Variants in SMYD3 observed in about 807,000 individuals in gnomAD.
The protein encoded by SMYD3 is histone-lysine N-methyltransferase SMYD3.
Under a neutral mutation model 57.7 loss-of-function variants are expected in SMYD3, and 36 were observed. The ratio of observed to expected loss-of-function variants is 0.62; its 90% confidence interval spans 0.48 to 0.82. The LOEUF (loss-of-function observed/expected upper bound fraction) is 0.82. Among genes scored for constraint, SMYD3 ranks in the 40% least tolerant of loss-of-function variants. SMYD3 has a pLI of 0.00. For missense variants in SMYD3, 515 were observed against 538.8 expected (o/e 0.96, Z 0.44); for synonymous variants, 211 against 195.0 (o/e 1.08, Z -0.68).
chr1:246,342,994 C>T (rs543644957), intron 2 of SMYD3, among the ~76,000 whole-genome samples: 1 of 152,194 alleles, frequency 6.6e-6, no homozygotes, highest in Non-Finnish European at 1.5e-5. Context: ...ATTCGTGCTA[C>T]ATTTTTAGTA....
intron 5 of SMYD3, among the ~76,000 whole-genome samples, chr1:246,100,137 G>C (rs1301767483): frequency 6.6e-6 from 1 of 152,182 alleles, no homozygotes; most frequent in African/African-American, 2.4e-5. Context: ...CTTGAGCCCA[G>C]GAGTTCAAGG....
intron 5 of SMYD3, among the ~76,000 whole-genome samples, chr1:246,100,206 AC>A (rs2060984609): frequency 6.6e-6 from 1 of 152,148 alleles, no homozygotes; most frequent in Non-Finnish European, 1.5e-5. Flanking sequence ...CAAGACTTCA[AC>A]GCATTAAAAC....
intron 10 of SMYD3, among the ~76,000 whole-genome samples, chr1:245,816,691 G>A (rs1013974321): frequency 2.6e-5 from 4 of 151,980 alleles, no homozygotes; most frequent in South Asian, 2.1e-4. Context: ...GTGGGTGCGC[G>A]CACCGTGCGC....
intron 8 of SMYD3, among the ~76,000 whole-genome samples, chr1:245,881,260 G>C (rs1046306350): frequency 6.6e-6 from 1 of 152,148 alleles, no homozygotes. Flanking sequence ...GGCATGAACT[G>C]CAAGCAGAAA....
intron 5 of SMYD3, among the ~76,000 whole-genome samples, chr1:246,062,588 T>C (rs576436304): frequency 6.6e-6 from 1 of 152,350 alleles, no homozygotes; most frequent in African/African-American, 2.4e-5. Flanking sequence ...GGTTAATTTC[T>C]CAAGGACAAA....
chr1:246,039,583 C>T (rs1020704748), intron 5 of SMYD3, among the ~76,000 whole-genome samples: 1 of 152,160 alleles, frequency 6.6e-6, no homozygotes, highest in African/African-American at 2.4e-5. Flanking sequence ...TTTCATGTCT[C>T]CATTTACACA....
intron 5 of SMYD3, among the ~76,000 whole-genome samples, chr1:245,988,124 A>G (rs1158037310): frequency 8.8e-6 from 1 of 113,194 alleles, no homozygotes; most frequent in Non-Finnish European, 1.9e-5. Flanking sequence ...ACACACACAC[A>G]CACACACACA....
chr1:246,184,761 A>C (rs1025574513), intron 5 of SMYD3, among the ~76,000 whole-genome samples: 2 of 152,166 alleles, frequency 1.3e-5, no homozygotes, highest in Non-Finnish European at 2.9e-5. Flanking sequence ...GGACTTAGCA[A>C]GGAGGCACCA....
At chr1:246,060,042 T>C (rs2148350245) in intron 5 of SMYD3, among the ~76,000 whole-genome samples, 1 of 151,964 alleles carries the variant, frequency 6.6e-6, no homozygotes. Context: ...TCCCAGCATA[T>C]TAGGAGGCCG....
chr1:246,249,092 T>C (rs12402817), intron 5 of SMYD3, among the ~76,000 whole-genome samples: 31,437 of 151,732 alleles, frequency 0.21, 3,960 homozygotes, highest in East Asian at 0.58. Flanking sequence ...GATTTTTTTA[T>C]AGTATGATCA....
intron 5 of SMYD3, among the ~76,000 whole-genome samples, chr1:246,146,361 C>T (rs2061842366): frequency 6.6e-6 from 1 of 152,084 alleles, no homozygotes; most frequent in Admixed American, 6.5e-5. Context: ...TGTAAATGGA[C>T]CAAAAAGAAG....
At chr1:245,772,555 T>C (rs568573398) in intron 10 of SMYD3, among the ~76,000 whole-genome samples, 48 of 152,202 alleles carry the variant, frequency 3.2e-4, no homozygotes, top group African/African-American at 1.2e-3. Context: ...CCCAGCTGCT[T>C]GGGAGGCTGA....
At chr1:245,833,809 T>G (rs1036058661) in intron 10 of SMYD3, among the ~76,000 whole-genome samples, 1 of 152,226 alleles carries the variant, frequency 6.6e-6, no homozygotes, top group African/African-American at 2.4e-5. Context: ...CGGGAGCTCA[T>G]TGGCGTGAGA....
intron 5 of SMYD3, among the ~76,000 whole-genome samples, chr1:246,158,582 A>G (rs968146290): frequency 2.0e-5 from 3 of 152,220 alleles, no homozygotes; most frequent in Admixed American, 1.3e-4. Flanking sequence ...TTATAAAACT[A>G]TTGATTGAAA....
intron 5 of SMYD3, among the ~76,000 whole-genome samples, chr1:246,181,791 G>A (rs1189947778): frequency 6.6e-6 from 1 of 152,152 alleles, no homozygotes; most frequent in African/African-American, 2.4e-5. Flanking sequence ...AGCACCAGTG[G>A]GCTAACATAT....
intron 10 of SMYD3, among the ~76,000 whole-genome samples, chr1:245,827,337 T>C (rs541834425): frequency 2.0e-5 from 3 of 152,134 alleles, no homozygotes; most frequent in Non-Finnish European, 2.9e-5. Flanking sequence ...GAGGCCCAGA[T>C]ACATGAGGTG....
chr1:245,816,110 T>G (rs1428164047), intron 10 of SMYD3, among the ~76,000 whole-genome samples: 1 of 152,196 alleles, frequency 6.6e-6, no homozygotes, highest in East Asian at 1.9e-4. Flanking sequence ...ATGTATTCAA[T>G]GAAGCTTCTA....
chr1:246,221,258 G>A (rs114221460), intron 5 of SMYD3, among the ~76,000 whole-genome samples: 1,722 of 152,222 alleles, frequency 0.011, 25 homozygotes, highest in Middle Eastern at 0.031. Context: ...CTACGGAGAG[G>A]ACCTGCCCAC....
chr1:245,824,543 C>G (rs978380314), intron 10 of SMYD3, among the ~76,000 whole-genome samples: 1 of 151,936 alleles, frequency 6.6e-6, no homozygotes, highest in African/African-American at 2.4e-5. Context: ...ATGGTGAAAC[C>G]CCCAACTCTA....
Sources: gnomAD v4.1 joint callset for allele counts (sites outside exome capture counted in the v4.1 genomes callset) on GRCh38, gnomAD v4.1.1 for gene constraint, MANE v1.5 for transcripts, NCBI Gene and HGNC (gene_info 2026-07-23, HGNC 2026-07-21) for gene names.